RGMA: variants seen among roughly 807,000 people sequenced by gnomAD.
RGMA encodes repulsive guidance molecule A.
Under a neutral mutation model 23.2 loss-of-function variants are expected in RGMA, and 10 were observed. The observed-to-expected ratio is 0.43, with a 90% CI of 0.27 to 0.73. The LOEUF (loss-of-function observed/expected upper bound fraction) is 0.73, where lower values mean the gene tolerates loss of function less well. Among genes scored for constraint, RGMA ranks in the 30% least tolerant of loss-of-function variants. RGMA has a pLI of 0.20. For synonymous variants in RGMA, 308 were observed against 279.3 expected (o/e 1.10, Z -1.03); for missense variants, 547 against 630.5 (o/e 0.87, Z 1.42).
chr15:93,048,980 C>T (rs2054873868), intron 3 of RGMA, among the ~76,000 whole-genome samples: 1 of 152,248 alleles, frequency 6.6e-6, no homozygotes, highest in Non-Finnish European at 1.5e-5. Flanking sequence ...GCTCTAACCA[C>T]CATCTCTCGC....
chr15:93,073,605 C>T, intron 1 of RGMA: 1 of 1,536,906 alleles, frequency 6.5e-7, no homozygotes, highest in Non-Finnish European at 8.7e-7. Context: ...ACCGACGCCC[C>T]CTGGCTCATC....
At chr15:93,068,687 T>C (rs1895231474) in intron 2 of RGMA, among the ~76,000 whole-genome samples, 1 of 152,250 alleles carries the variant, frequency 6.6e-6, no homozygotes, top group South Asian at 2.1e-4. Flanking sequence ...CACTGGTTGC[T>C]AGCTGGCTGG....
chr15:93,069,416 T>G (rs1366605036), intron 2 of RGMA, among the ~76,000 whole-genome samples: 3 of 152,220 alleles, frequency 2.0e-5, no homozygotes, highest in Non-Finnish European at 4.4e-5. Context: ...GGCCGATGCA[T>G]TTTTGAATAG....
chr15:93,049,167 C>T (rs1031988246), intron 3 of RGMA, among the ~76,000 whole-genome samples: 1 of 152,234 alleles, frequency 6.6e-6, no homozygotes, highest in African/African-American at 2.4e-5. Context: ...TGAAGGGGTC[C>T]TGGCCCTTTC....
intron 1 of RGMA, among the ~76,000 whole-genome samples, chr15:93,079,808 ACT>A (rs1046594063): frequency 6.6e-6 from 1 of 151,246 alleles, no homozygotes; most frequent in African/African-American, 2.4e-5. Context: ...CAACGGAGAG[ACT>A]CTGTCTCAAA....
At chr15:93,086,339 T>C (rs1895634511) in intron 1 of RGMA, among the ~76,000 whole-genome samples, 1 of 152,228 alleles carries the variant, frequency 6.6e-6, no homozygotes, top group East Asian at 1.9e-4. Flanking sequence ...AATCCTTCTA[T>C]GTTTTTGCTC....
At chr15:93,076,771 A>G (rs533160535) in intron 1 of RGMA, among the ~76,000 whole-genome samples, 1 of 152,340 alleles carries the variant, frequency 6.6e-6, no homozygotes, top group Admixed American at 6.5e-5. Flanking sequence ...CACCCAATAA[A>G]TGGCTAAAAA....
intron 3 of RGMA, among the ~76,000 whole-genome samples, chr15:93,049,451 A>C (rs931346751): frequency 6.6e-6 from 1 of 152,198 alleles, no homozygotes; most frequent in Non-Finnish European, 1.5e-5. Flanking sequence ...TAAAATGGGT[A>C]TCAGCAGCAC....
At chr15:93,084,610 C>T (rs1273709261) in intron 1 of RGMA, among the ~76,000 whole-genome samples, 1 of 152,056 alleles carries the variant, frequency 6.6e-6, no homozygotes, top group East Asian at 1.9e-4. Flanking sequence ...GTAGCTGGGA[C>T]TACAGTCATG....
chr15:93,088,762 C>G (rs372888643), intron 1 of RGMA, 157 bp downstream of exon 1: 91 of 790,764 alleles, frequency 1.2e-4, no homozygotes, highest in East Asian at 1.1e-3. Context: ...ACAGCTAAAG[C>G]GATAGAGGCG....
Position 93,088,973 on chromosome 15 carries a change from C to A in RGMA, c.-41G>T, listed in dbSNP as rs778218168. Reference sequence around the variant, plus strand: ...GCGGGGGGTGGCGCTGGCGGGGCTGCGGGAGAAGAGGGGGTGTCGGGGCGC... The same window carrying A: ...GCGGGGGGTGGCGCTGGCGGGGCTGAGGGAGAAGAGGGGGTGTCGGGGCGC... On this transcript the variant is annotated 5_prime_UTR_variant, in exon 1 of 4. Coordinates refer to ENST00000329082, the MANE Select transcript of RGMA (RefSeq NM_020211.3). The A allele has an allele frequency of 3.7e-6, 5 of 1,355,688 alleles. No individual in the cohort carries two copies. The highest frequency in any genetic ancestry group is 6.2e-5 in the East Asian group (2 of 32,062). The allele number at this position is 1,355,688 out of a possible 1,614,324, so 84.0% of individuals were successfully genotyped here. A position where few individuals can be genotyped will look rare whatever the true frequency, so the allele number is the denominator to read the frequency against.
intron 2 of RGMA, among the ~76,000 whole-genome samples, chr15:93,059,823 G>C (rs113407080): frequency 1.7e-4 from 26 of 152,220 alleles, no homozygotes; most frequent in African/African-American, 5.8e-4. Flanking sequence ...CAGAGAGGCC[G>C]ATTTTTATGT....
rs774696779 is a variant in RGMA, at chr15:93,045,100, A to C, written c.1251T>G (p.Thr417=). ...NKDKLHLYER[T]RDLPGRAAAG... is the part of the protein sequence containing the mutation. ...CAGCCGCCCTGCCTGGCAGGTCCCG[A>C]GTCCTCTCATACAGGTGCAGTTTGT... Residue 417 remains threonine, a synonymous_variant, in exon 4 of 4, where the codon ACT becomes ACG. Coordinates refer to ENST00000329082, the MANE Select transcript of RGMA (RefSeq NM_020211.3). The surrounding 1 kb of genome is among the most constrained non-coding windows in gnomAD (Gnocchi z 6.9). 56 of 1,584,352 alleles carry C rather than the reference A, an allele frequency of 3.5e-5. No individual in the cohort carries two copies. The African/African-American group carries it at 7.4e-4, about 21-fold the overall frequency.
intron 1 of RGMA, among the ~76,000 whole-genome samples, chr15:93,083,625 A>G (rs1238112616): frequency 6.6e-6 from 1 of 152,226 alleles, no homozygotes; most frequent in East Asian, 1.9e-4. Flanking sequence ...CACCACGCCC[A>G]GCCAAGAGAA....
chr15:93,055,037 A>C (rs41424644), intron 2 of RGMA, among the ~76,000 whole-genome samples: 108,814 of 151,994 alleles, frequency 0.72, 39,128 homozygotes, highest in South Asian at 0.85. Flanking sequence ...ACAGGAACTG[A>C]CTGGCGCGGT....
At chr15:93,077,192 G>T (rs1271900031) in intron 1 of RGMA, among the ~76,000 whole-genome samples, 5 of 152,030 alleles carry the variant, frequency 3.3e-5, no homozygotes, top group Non-Finnish European at 7.3e-5. Context: ...GAGCTTGGGG[G>T]AGCCTGTGAA....
At chr15:93,077,360 T>C (rs936602766) in intron 1 of RGMA, among the ~76,000 whole-genome samples, 1 of 152,178 alleles carries the variant, frequency 6.6e-6, no homozygotes, top group Non-Finnish European at 1.5e-5. Flanking sequence ...TCAGCATTTT[T>C]AAGGAGCTCC....
In RGMA at chr15:93,041,136, T is replaced by G. The variant is rs11074131; in HGVS notation, c.*3862A>C. 66,054 of 151,538 alleles carry G rather than the reference T, an allele frequency of 0.44. 16,183 individuals carry two copies. Among genetic ancestry groups the G allele is most frequent in the Non-Finnish European group, 0.58 (39,410 of 68,286 alleles). The allele number at this position is 151,538 out of a possible 1,614,324, so 9.4% of individuals were successfully genotyped here. On this transcript the variant is annotated 3_prime_UTR_variant, in exon 4 of 4. Coordinates refer to ENST00000329082, the MANE Select transcript of RGMA (RefSeq NM_020211.3). ...TCTGCCCAAGTGTTCTGGTAATGAT[T>G]TTCACCCCCCCGTCTGCCCCCTTCA...
At chr15:93,055,475 G>A (rs549983211) in intron 2 of RGMA, among the ~76,000 whole-genome samples, 11 of 152,284 alleles carry the variant, frequency 7.2e-5, no homozygotes, top group African/African-American at 1.7e-4. Context: ...GGGGAAAGCC[G>A]GGCTCTGCTG....
Sources: allele counts gnomAD v4.1 joint callset (sites outside exome capture counted in the v4.1 genomes callset), GRCh38; gene constraint gnomAD v4.1.1; non-coding constraint Gnocchi (gnomAD v3.1); transcripts MANE v1.5; gene names NCBI Gene and HGNC (gene_info 2026-07-23, HGNC 2026-07-21).